DVL1: variants seen among roughly 807,000 people sequenced by gnomAD.
DVL1 encodes the protein dishevelled segment polarity protein 1, also known as segment polarity protein dishevelled homolog DVL-1.
In DVL1, 49 loss-of-function variants were observed where a neutral mutation model predicts 65.0. The observed-to-expected ratio is 0.75, with a 90% CI of 0.60 to 0.96. The LOEUF (loss-of-function observed/expected upper bound fraction) is 0.96, where lower values mean the gene tolerates loss of function less well. Among genes scored for constraint, DVL1 ranks in the 40% least tolerant of loss-of-function variants. The pLI is 0.00. For missense variants in DVL1, 1,197 were observed against 1,045.4 expected (o/e 1.15, Z -2.00); for synonymous variants, 608 against 433.9 (o/e 1.40, Z -4.99).
intron 11 of DVL1, among the ~76,000 whole-genome samples, chr1:1,338,984 G>A (rs1007891794): frequency 5.9e-5 from 9 of 152,222 alleles, no homozygotes; most frequent in Non-Finnish European, 1.0e-4. Context: ...GAGAGCGCAG[G>A]CTGTTAGTCG....
At position 1,342,394 on chromosome 1, in the gene DVL1, C is replaced by T. The variant is rs1021940894; in HGVS notation, c.331G>A (p.Gly111Ser). 1.1e-5 allele frequency: 17 copies of T among 1,591,738 alleles called. No homozygotes were observed. The highest frequency in any genetic ancestry group is 9.4e-5 in the African/African-American group (7 of 74,578). ...GAGGGGGGCCGGGAGTCCCCGATGC[C>T]GCCTGTCCGCTCAAGAGGCGGGGGC... ...DLPPPLERTG[G>S]IGDSRPPSFH... Residue 111 changes from glycine to serine, a missense_variant, in exon 3 of 15, where the codon GGC (glycine) becomes AGC (serine). Physicochemically the swap from Gly to Ser is moderately conservative, Grantham distance 56. Transcript: ENST00000378888.
Position 1,336,425 on chromosome 1 carries a change from C to T in DVL1, c.1805G>A (p.Ser602Asn). The T allele has an allele frequency of 6.3e-7, 1 of 1,594,956 alleles. No homozygotes were observed. Among genetic ancestry groups the T allele is most frequent in the Non-Finnish European group, 8.5e-7 (1 of 1,176,430 alleles). ...ACTCGGTGCCGTGTGATCCGATTCA[C>T]TGCCACTGCCCCCAGCTCCCGCCGC... ...RRAAGAGGSG[S>N]ESDHTAPSGV... The change falls in exon 15 of 15, where the codon AGT becomes AAT. Residue 602 changes from serine (S) to asparagine (N), a missense_variant. Physicochemically the swap from Ser to Asn is conservative, Grantham distance 46. Coordinates refer to ENST00000378888, the MANE Select transcript of DVL1 (RefSeq NM_001330311.2).
At position 1,336,449 on chromosome 1, in the gene DVL1, G is replaced by A. The variant is rs368894487; in HGVS notation, c.1781C>T (p.Ala594Val). 2.2e-4 allele frequency: 350 copies of A among 1,573,258 alleles called. No individual in the cohort carries two copies. The highest frequency in any genetic ancestry group is 4.9e-4 in the African/African-American group (36 of 73,192). ...ACTGCCACTGCCCCCAGCTCCCGCC[G>A]CCCGACGCTCCTTCTCACGGCCCGG... ...RAPGREKERR[A>V]AGAGGSGSES... Residue 594 changes from alanine to valine, a missense_variant, in exon 15 of 15, where the codon GCG becomes GTG. Physicochemically the swap from Ala to Val is moderately conservative, Grantham distance 64. Transcript: ENST00000378888.
rs764329343 is a variant in DVL1, at chr1:1,341,775, T to G, written c.497A>C (p.Asp166Ala). 2 of 1,602,142 alleles carry G rather than the reference T, an allele frequency of 1.2e-6. No individual in the cohort carries two copies. The highest frequency in any genetic ancestry group is 1.7e-6 in the Non-Finnish European group (2 of 1,173,924). The change falls in exon 5 of 15, where the codon GAC becomes GCC. Residue 166 changes from aspartate to alanine, a missense_variant. Transcript: ENST00000378888. ...AARTNGHPRG[D>A]RRRDVGLPPD... ...GGGCAGCCCCACATCCCGCCGTCGG[T>G]CTCCCCTTGGGTGCCCATTGGTCCG...
At chr1:1,339,711 C>A (rs1422361136) in intron 9 of DVL1, 25 bp downstream of exon 9, 21 of 1,612,972 alleles carry the variant, frequency 1.3e-5, no homozygotes, top group Non-Finnish European at 1.7e-5. Flanking sequence ...CTGGCCCCTC[C>A]CGCTCCAGCG....
Position 1,339,733 on chromosome 1 carries a change from C to T in DVL1, c.986+3G>A. The T allele has an allele frequency of 6.2e-7, 1 of 1,613,152 alleles. No individual in the cohort carries two copies. The highest frequency in any genetic ancestry group is 8.5e-7 in the Non-Finnish European group (1 of 1,179,910). Reference sequence around the variant, plus strand: ...CTCCCGCTCCAGCGCCCCCAGCCCTCACCCCGTCTGGGAAACGATCTCCCG... The same window carrying T: ...CTCCCGCTCCAGCGCCCCCAGCCCTTACCCCGTCTGGGAAACGATCTCCCG... On this transcript the variant is annotated splice_donor_region_variant and intron_variant, in intron 9 of 14. Coordinates refer to ENST00000378888, the MANE Select transcript of DVL1 (RefSeq NM_001330311.2).
chr1:1,344,583 G>A (rs1643891067), intron 1 of DVL1, among the ~76,000 whole-genome samples: 3 of 152,176 alleles, frequency 2.0e-5, no homozygotes, highest in Admixed American at 2.0e-4. Context: ...AGGCCACCCA[G>A]GGCCAGGCCA....
intron 11 of DVL1, among the ~76,000 whole-genome samples, chr1:1,338,867 C>T (rs1474669998): frequency 6.6e-6 from 1 of 152,220 alleles, no homozygotes; most frequent in Non-Finnish European, 1.5e-5. Flanking sequence ...CTTCTACAGA[C>T]ACTTTTCATC....
chr1:1,337,492 G>T (rs1432372183), intron 14 of DVL1, among the ~76,000 whole-genome samples: 2 of 152,142 alleles, frequency 1.3e-5, no homozygotes, highest in African/African-American at 4.8e-5. Flanking sequence ...CTGTGTCCTG[G>T]GGCCTAGAAA....
intron 14 of DVL1, chr1:1,336,875 G>A (rs549993355): frequency 3.6e-6 from 2 of 562,334 alleles, no homozygotes; most frequent in African/African-American, 2.0e-5. Context: ...CCCACCCAAG[G>A]CCCCACTGTC....
In DVL1 at chr1:1,338,580, C is replaced by T. The variant is rs148871455; in HGVS notation, c.1281G>A (p.Ser427=). The T allele has an allele frequency of 1.7e-4, 270 of 1,612,366 alleles. No homozygotes were observed. Among genetic ancestry groups the T allele is most frequent in the Admixed American group, 5.0e-5 (3 of 59,992 alleles). ...ACATGCGGTCGCGGATCTCCAGTCC[C>T]GAGTCTGGCAGCTGCATGACCCGGA... The part of the protein sequence containing the change: ...AVVRVMQLPD[S]GLEIRDRMWL... The change falls in exon 12 of 15, where the codon TCG becomes TCA. Residue 427 remains serine (S), a synonymous_variant. Transcript: ENST00000378888.
At position 1,336,120 on chromosome 1, in the gene DVL1, G is replaced by T; in HGVS notation, c.*22C>A. The T allele has an allele frequency of 6.4e-7, 1 of 1,567,804 alleles. No homozygotes were observed. Among genetic ancestry groups the T allele is most frequent in the Non-Finnish European group, 8.6e-7 (1 of 1,163,838 alleles). ...GACCGCCAGCTCCCCACCTCAGGCA[G>T]GGCTGGGGCATGCGCCACGAGTCAC... On this transcript the variant is annotated 3_prime_UTR_variant, in exon 15 of 15. Coordinates refer to ENST00000378888, the MANE Select transcript of DVL1 (RefSeq NM_001330311.2).
Position 1,338,579 on chromosome 1 carries a change from C to G in DVL1, c.1282G>C (p.Gly428Arg), listed in dbSNP as rs201616962. The G allele has an allele frequency of 3.3e-4, 539 of 1,612,480 alleles. 3 individuals are homozygous for G. Among genetic ancestry groups the G allele is most frequent in the Non-Finnish European group, 4.4e-4 (525 of 1,179,870 alleles). ...CACATGCGGTCGCGGATCTCCAGTC[C>G]CGAGTCTGGCAGCTGCATGACCCGG... ...VVRVMQLPDS[G>R]LEIRDRMWLK... is the part of the protein sequence containing the mutation. The change falls in exon 12 of 15, where the codon GGA becomes CGA. Residue 428 changes from glycine to arginine, a missense_variant. Transcript: ENST00000378888.
In DVL1 at chr1:1,336,074, C is replaced by A. The variant is rs1042392805; in HGVS notation, c.*68G>T. The A allele has an allele frequency of 3.3e-6, 5 of 1,529,034 alleles. No individual in the cohort carries two copies. Among genetic ancestry groups the A allele is most frequent in the Non-Finnish European group, 3.5e-6 (4 of 1,142,280 alleles). The allele number at this position is 1,529,034 out of a possible 1,614,324, so 94.7% of individuals were successfully genotyped here. Reference sequence around the variant, plus strand: ...CCTGGCCCCCACGAAGGCAAGCCCACGCGAGCTCTGCATGCGGCAGGACCG... The same window carrying A: ...CCTGGCCCCCACGAAGGCAAGCCCAAGCGAGCTCTGCATGCGGCAGGACCG... On this transcript the variant is annotated 3_prime_UTR_variant, in exon 15 of 15. Coordinates refer to ENST00000378888, the MANE Select transcript of DVL1 (RefSeq NM_001330311.2).
chr1:1,336,519 G>A lies in DVL1; in HGVS notation c.1715-4C>T, dbSNP rs770627955. On this transcript the variant is annotated splice_region_variant and splice_polypyrimidine_tract_variant and intron_variant, in intron 14 of 14. Transcript: ENST00000378888. Reference sequence around the variant, plus strand: ...GTGGACCCACTGCTTTTGCTCCCTGGGAGTGAGAACAGGATGGGGAAGGAG... The same window carrying A: ...GTGGACCCACTGCTTTTGCTCCCTGAGAGTGAGAACAGGATGGGGAAGGAG... The A allele has an allele frequency of 1.4e-5, 21 of 1,507,198 alleles. No homozygotes were observed. Among genetic ancestry groups the A allele is most frequent in the Non-Finnish European group, 1.8e-5 (20 of 1,136,782 alleles). 93.4% of individuals were successfully genotyped at this position (1,507,198 alleles called of 1,614,324 possible). A position where few individuals can be genotyped will look rare whatever the true frequency, so the allele number is the denominator to read the frequency against.
At position 1,339,411 on chromosome 1, in the gene DVL1, G is replaced by A. The variant is rs774077651; in HGVS notation, c.1083C>T (p.Ala361=). The change falls in exon 11 of 15, where the codon GCC becomes GCT. Residue 361 remains alanine, a synonymous_variant. Transcript: ENST00000378888. ...GTGCCGCCGTGTGGGACAGCCAGGC[G>A]GCGGGGTCGATGGGCCGCACCGGGT... ...RADPVRPIDP[A]AWLSHTAALT... is the part of the protein sequence containing the mutation. 78 of 1,548,894 alleles carry A rather than the reference G, an allele frequency of 5.0e-5. No individual in the cohort carries two copies. The highest frequency in any genetic ancestry group is 1.7e-4 in the South Asian group (14 of 83,960).
intron 1 of DVL1, among the ~76,000 whole-genome samples, chr1:1,343,352 C>G (rs1296557453): frequency 2.0e-5 from 3 of 152,146 alleles, no homozygotes; most frequent in Admixed American, 6.5e-5. Context: ...GGCCCCAAGG[C>G]TCCCCAGGCT....
chr1:1,342,363 T>C lies in DVL1; in HGVS notation c.362A>G (p.His121Arg), dbSNP rs777929063. Reference protein sequence around the residue: ...GIGDSRPPSFHPNVASSRDGM... With the variant: ...GIGDSRPPSFRPNVASSRDGM... Reference sequence around the variant, plus strand: ...GGCCCAGCGCCCACGGTGTCCTTACTGGAAGGAGGGGGGCCGGGAGTCCCC... The same window carrying C: ...GGCCCAGCGCCCACGGTGTCCTTACCGGAAGGAGGGGGGCCGGGAGTCCCC... Residue 121 changes from histidine to arginine, a missense_variant and splice_region_variant, in exon 3 of 15, where the codon CAC becomes CGC. Transcript: ENST00000378888. The C allele has an allele frequency of 1.9e-6, 3 of 1,575,074 alleles. No homozygotes were observed. Among genetic ancestry groups the C allele is most frequent in the Middle Eastern group, 1.7e-4 (1 of 5,986 alleles).
At chr1:1,340,873 G>A (rs1043418262) in intron 5 of DVL1, among the ~76,000 whole-genome samples, 20 of 129,714 alleles carry the variant, frequency 1.5e-4, no homozygotes, top group African/African-American at 6.2e-4. Context: ...CTGCGCACAG[G>A]CACACATGCA....
Sources: gnomAD v4.1 joint callset for allele counts (sites outside exome capture counted in the v4.1 genomes callset) on GRCh38, gnomAD v4.1.1 for gene constraint, MANE v1.5 for transcripts, NCBI Gene and HGNC (gene_info 2026-07-23, HGNC 2026-07-21) for gene names.